Variants in FHIT observed in about 807,000 individuals in gnomAD.
The protein encoded by FHIT is bis(5'-adenosyl)-triphosphatase.
In FHIT, 19 loss-of-function variants were observed where a neutral mutation model predicts 17.9. The ratio of observed to expected loss-of-function variants is 1.06; its 90% confidence interval spans 0.74 to 1.56. FHIT has a LOEUF of 1.56. Among genes scored for constraint, FHIT ranks in the 40% most tolerant of loss-of-function variants. The pLI is 0.00. For missense variants in FHIT, 248 were observed against 189.2 expected, an observed-to-expected ratio of 1.31 and a Z score of -1.82; for synonymous variants, 81 against 69.7, an observed-to-expected ratio of 1.16 and a Z score of -0.81.
chr3:60,955,623 T>TATATATAC (rs1559862432), intron 3 of FHIT, among the ~76,000 whole-genome samples: 28 of 15,500 alleles, frequency 1.8e-3, no homozygotes, highest in Admixed American at 3.4e-3. Flanking sequence ...TATATATATA[T>TATATATAC]ATATATATAT....
chr3:60,441,784 A>ATGTG (rs1491110867), intron 5 of FHIT, among the ~76,000 whole-genome samples: 755 of 27,160 alleles, frequency 0.028, 55 homozygotes, highest in East Asian at 0.063. Context: ...ATGTATAAAA[A>ATGTG]TATATATATA....
intron 7 of FHIT, among the ~76,000 whole-genome samples, chr3:59,974,462 G>A (rs1255689202): frequency 6.6e-6 from 1 of 152,142 alleles, no homozygotes; most frequent in Non-Finnish European, 1.5e-5. Context: ...TAGTTCCACT[G>A]ACTATTCCAG....
At position 60,157,880 on chromosome 3, in the gene FHIT, T is replaced by C. The variant is rs544188022; in HGVS notation, c.104-143728A>G. On this transcript the variant is annotated intron_variant, in intron 5 of 9. Transcript: ENST00000492590. ...CCCAGATCTTCTGAGCTTTTTGCTT[T>C]AGTGACCTTGTGAAGACTTTGTCTT... 2.0e-5 allele frequency among the ~76,000 whole-genome samples: 3 copies of C among 152,102 alleles called. No homozygotes were observed. In the East Asian group the frequency reaches 5.8e-4, roughly 29 times the overall value.
At chr3:61,087,953 T>C (rs1450501527) in intron 2 of FHIT, among the ~76,000 whole-genome samples, 3 of 152,088 alleles carry the variant, frequency 2.0e-5, no homozygotes, top group Non-Finnish European at 4.4e-5. Context: ...GAAATCAAGG[T>C]AGCTTCAGAG....
intron 1 of FHIT, among the ~76,000 whole-genome samples, chr3:61,225,560 A>T (rs1329566465): frequency 6.6e-6 from 1 of 152,224 alleles, no homozygotes; most frequent in South Asian, 2.1e-4. Context: ...TTAATAACCA[A>T]TTCAAGTGAA....
chr3:60,853,573 G>A (rs958448783), intron 3 of FHIT, among the ~76,000 whole-genome samples: 14 of 152,050 alleles, frequency 9.2e-5, no homozygotes, highest in East Asian at 1.9e-4. Flanking sequence ...AAGCAAGGTC[G>A]TCTCTTCTGA....
At chr3:61,100,516 C>T (rs2035785374) in intron 2 of FHIT, among the ~76,000 whole-genome samples, 1 of 152,068 alleles carries the variant, frequency 6.6e-6, no homozygotes, top group Non-Finnish European at 1.5e-5. Context: ...TGCTGCAATA[C>T]ACATACATGT....
chr3:59,872,012 A>C (rs1029883996), intron 8 of FHIT, among the ~76,000 whole-genome samples: 3 of 152,192 alleles, frequency 2.0e-5, no homozygotes, highest in East Asian at 1.9e-4. Flanking sequence ...CAAAGATTAG[A>C]TGTATCTCAG....
chr3:60,563,000 G>A (rs897034802), intron 4 of FHIT, among the ~76,000 whole-genome samples: 3 of 152,156 alleles, frequency 2.0e-5, no homozygotes, highest in Non-Finnish European at 4.4e-5. Flanking sequence ...ATAAACGCAA[G>A]CCATTTAAAT....
intron 5 of FHIT, among the ~76,000 whole-genome samples, chr3:60,015,036 T>G (rs1218096061): frequency 6.6e-6 from 1 of 151,260 alleles, no homozygotes; most frequent in Non-Finnish European, 1.5e-5. Context: ...ACACACTATA[T>G]ATATAAATAT....
At chr3:59,980,115 C>G (rs1031976253) in intron 7 of FHIT, among the ~76,000 whole-genome samples, 1 of 152,140 alleles carries the variant, frequency 6.6e-6, no homozygotes, top group Non-Finnish European at 1.5e-5. Flanking sequence ...CTCTTTTCCC[C>G]CTCTCCCTCT....
At chr3:60,298,537 C>T (rs1156504498) in intron 5 of FHIT, among the ~76,000 whole-genome samples, 1 of 152,132 alleles carries the variant, frequency 6.6e-6, no homozygotes, top group African/African-American at 2.4e-5. Flanking sequence ...TGAGAGTCAC[C>T]ATCTTTGACT....
At chr3:60,759,749 A>G (rs1553719212) in intron 4 of FHIT, among the ~76,000 whole-genome samples, 1 of 152,204 alleles carries the variant, frequency 6.6e-6, no homozygotes, top group African/African-American at 2.4e-5. Flanking sequence ...GGATTTGGCA[A>G]CCAAGGGGCC....
chr3:60,083,632 G>A (rs1488185017), intron 5 of FHIT, among the ~76,000 whole-genome samples: 1 of 152,152 alleles, frequency 6.6e-6, no homozygotes, highest in African/African-American at 2.4e-5. Flanking sequence ...AGAAGACAGA[G>A]ATAGACTGGT....
At chr3:60,236,290 T>G (rs1400940199) in intron 5 of FHIT, among the ~76,000 whole-genome samples, 1 of 149,026 alleles carries the variant, frequency 6.7e-6, no homozygotes, top group Admixed American at 6.8e-5. Context: ...ATGAGGCCCT[T>G]GAGGACAAAG....
chr3:60,073,462 G>C (rs771041694), intron 5 of FHIT, among the ~76,000 whole-genome samples: 36 of 152,162 alleles, frequency 2.4e-4, no homozygotes, highest in Non-Finnish European at 3.8e-4. Flanking sequence ...TTTCTTTAAT[G>C]AATATAGGCT....
intron 5 of FHIT, among the ~76,000 whole-genome samples, chr3:60,082,763 G>C (rs890153253): frequency 2.6e-5 from 4 of 152,036 alleles, no homozygotes; most frequent in African/African-American, 9.7e-5. Flanking sequence ...TTTGCTGCTT[G>C]TATGTGTTGT....
chr3:61,139,678 TC>T (rs1474408331), intron 2 of FHIT, among the ~76,000 whole-genome samples: 1 of 152,154 alleles, frequency 6.6e-6, no homozygotes, highest in Non-Finnish European at 1.5e-5. Context: ...AATAGACGCT[TC>T]AATAAATTTT....
intron 4 of FHIT, among the ~76,000 whole-genome samples, chr3:60,692,630 A>C (rs2041018980): frequency 6.6e-6 from 1 of 152,334 alleles, no homozygotes; most frequent in African/African-American, 2.4e-5. Context: ...AGACCTCAGA[A>C]AGGAATTCAG....
Sources: gnomAD v4.1 joint callset for allele counts (sites outside exome capture counted in the v4.1 genomes callset) on GRCh38, gnomAD v4.1.1 for gene constraint, MANE v1.5 for transcripts, NCBI Gene and HGNC (gene_info 2026-07-23, HGNC 2026-07-21) for gene names.